The following ALOXE3 variants were observed in gnomAD, a reference collection of about 807,000 sequenced individuals.
The protein encoded by ALOXE3 is hydroperoxide isomerase ALOXE3.
ALOXE3 carries 78 observed loss-of-function variants against 87.5 expected under a neutral mutation model. The ratio of observed to expected loss-of-function variants is 0.89; its 90% CI spans 0.74 to 1.08. The LOEUF (loss-of-function observed/expected upper bound fraction) is 1.08. Ranked by LOEUF, ALOXE3 falls within the 50% of genes least tolerant of loss-of-function variation. The pLI, the probability that ALOXE3 is intolerant of heterozygous loss-of-function variation, is 0.00. For missense variants in ALOXE3, 946 were observed against 912.4 expected, an observed-to-expected ratio of 1.04 and a Z score of -0.47; for synonymous variants, 363 against 370.8, an observed-to-expected ratio of 0.98 and a Z score of 0.24.
intron 14 of ALOXE3, 85 bp from the exon 15 acceptor site, chr17:8,103,578 C>T: frequency 7.0e-7 from 1 of 1,438,282 alleles, no homozygotes; most frequent in Non-Finnish European, 9.6e-7. Context: ...TCCACCTCTG[C>T]CGTCCTAGAG....
At chr17:8,108,373 A>G (rs903391629) in intron 13 of ALOXE3, 95 bp downstream of exon 13, 1 of 1,536,150 alleles carries the variant, frequency 6.5e-7, no homozygotes, top group Admixed American at 1.8e-5. Flanking sequence ...ATCTACTTCA[A>G]AGGCTGGTCA....
chr17:8,117,571 G>A (rs767692022), intron 2 of ALOXE3, among the ~76,000 whole-genome samples: 41 of 152,222 alleles, frequency 2.7e-4, no homozygotes, highest in Non-Finnish European at 4.7e-4. Flanking sequence ...GAGAGGGGAA[G>A]CGACTTGCCC....
intron 4 of ALOXE3, 47 bp from the exon 5 acceptor site, chr17:8,115,104 A>G: frequency 2.5e-6 from 4 of 1,612,314 alleles, no homozygotes; most frequent in Non-Finnish European, 3.4e-6. Flanking sequence ...CTCGGGATAA[A>G]CACAAGTCTT....
At chr17:8,118,457 A>T in intron 1 of ALOXE3, 29 bp downstream of exon 1, 2 of 1,549,716 alleles carry the variant, frequency 1.3e-6, no homozygotes, top group Non-Finnish European at 1.7e-6. Flanking sequence ...GTTCCTCCCC[A>T]TTCCCAGGCA....
chr17:8,096,836 T>G, intron 15 of ALOXE3, 30 bp from the exon 16 acceptor site: 2 of 1,610,470 alleles, frequency 1.2e-6, no homozygotes, highest in Non-Finnish European at 1.7e-6. Flanking sequence ...GAGGTCAGGA[T>G]GACATTCAGA....
chr17:8,096,589 T>A lies in ALOXE3; in HGVS notation c.*38A>T, dbSNP rs1011888411. The A allele has an allele frequency of 2.2e-5, 21 of 970,920 alleles. No individual in the cohort carries two copies. Among genetic ancestry groups the A allele is most frequent in the Admixed American group, 3.4e-5 (2 of 59,204 alleles). The allele number at this position is 970,920 out of a possible 1,614,324, so 60.1% of individuals were successfully genotyped here. A position where few individuals can be genotyped will look rare whatever the true frequency, so the allele number is the denominator to read the frequency against. ...CTGAGGAACTGGTCCTCCTCATGCTTGGACCTTTCTTTCTTCTTGGGTGGT... is the reference window on the plus strand; with the variant it reads ...CTGAGGAACTGGTCCTCCTCATGCTAGGACCTTTCTTTCTTCTTGGGTGGT... On this transcript the variant is annotated 3_prime_UTR_variant, in exon 16 of 16. Transcript: ENST00000448843.
At chr17:8,102,801 G>C (rs775673348) in intron 15 of ALOXE3, among the ~76,000 whole-genome samples, 1 of 152,268 alleles carries the variant, frequency 6.6e-6, no homozygotes, top group African/African-American at 2.4e-5. Flanking sequence ...CCTATCACTG[G>C]ACTGTAAGCT....
At chr17:8,097,492 T>C (rs1237058453) in intron 15 of ALOXE3, among the ~76,000 whole-genome samples, 3 of 151,992 alleles carry the variant, frequency 2.0e-5, no homozygotes, top group Admixed American at 2.0e-4. Flanking sequence ...ACCTTCACAA[T>C]CAACCATCGT....
intron 10 of ALOXE3, 39 bp downstream of exon 10, chr17:8,110,053 G>GGCCCCT (rs2151839166): frequency 6.3e-7 from 1 of 1,584,832 alleles, no homozygotes; most frequent in Non-Finnish European, 8.6e-7. Flanking sequence ...AAGGCCGCCC[G>GGCCCCT]GCCCCTGCCC....
intron 15 of ALOXE3, among the ~76,000 whole-genome samples, chr17:8,097,715 A>G (rs1406447071): frequency 6.7e-6 from 1 of 149,590 alleles, no homozygotes; most frequent in Non-Finnish European, 1.5e-5. Flanking sequence ...ATTTACTAGA[A>G]CCTTCATATA....
intron 15 of ALOXE3, 120 bp downstream of exon 15, chr17:8,103,203 G>A (rs1231992258): frequency 8.5e-7 from 1 of 1,182,376 alleles, no homozygotes; most frequent in Non-Finnish European, 1.2e-6. Context: ...AAGAACCCAA[G>A]GCAGTTCTGC....
At chr17:8,117,776 G>A in intron 2 of ALOXE3, 68 bp downstream of exon 2, 9 of 1,565,418 alleles carry the variant, frequency 5.7e-6, no homozygotes, top group Non-Finnish European at 7.8e-6. Flanking sequence ...GAGTCCAGGA[G>A]GAATACTCCT....
chr17:8,115,777 C>T (rs1449391918), intron 3 of ALOXE3, 89 bp from the exon 4 acceptor site: 6 of 1,294,228 alleles, frequency 4.6e-6, no homozygotes, highest in Non-Finnish European at 6.7e-6. Context: ...ACCCTTGAAC[C>T]CAATCCGACA....
chr17:8,096,864 G>A, intron 15 of ALOXE3, 58 bp from the exon 16 acceptor site: 4 of 1,582,468 alleles, frequency 2.5e-6, no homozygotes, highest in Non-Finnish European at 3.5e-6. Context: ...GGGAATAACG[G>A]AGGACCACAT....
At position 8,096,285 on chromosome 17, in the gene ALOXE3, G is replaced by C; in HGVS notation, c.*342C>G. 1 of 256,470 alleles carries C rather than the reference G, an allele frequency of 3.9e-6. No individual in the cohort carries two copies. The highest frequency in any genetic ancestry group is 9.1e-5 in the East Asian group (1 of 11,002). 15.9% of individuals were successfully genotyped at this position (256,470 alleles called of 1,614,324 possible). ...AGTTTGGGGATTGGGGAGGATGAGG[G>C]AGAAAAGCTCAGAAACCCAAGCTGG... On this transcript the variant is annotated 3_prime_UTR_variant, in exon 16 of 16. Coordinates refer to ENST00000448843, the MANE Select transcript of ALOXE3 (RefSeq NM_021628.3).
chr17:8,104,803 C>T (rs1979170431), intron 13 of ALOXE3, among the ~76,000 whole-genome samples: 1 of 152,116 alleles, frequency 6.6e-6, no homozygotes, highest in African/African-American at 2.4e-5. Flanking sequence ...ATGGATGAGC[C>T]TCCAATGGAA....
intron 6 of ALOXE3, 104 bp downstream of exon 6, chr17:8,114,380 G>T: frequency 1.3e-6 from 2 of 1,517,830 alleles, no homozygotes; most frequent in South Asian, 2.3e-5. Context: ...CTGGGGCAGG[G>T]AGAGGGGATA....
At chr17:8,098,899 G>C (rs1978740154) in intron 15 of ALOXE3, among the ~76,000 whole-genome samples, 1 of 151,976 alleles carries the variant, frequency 6.6e-6, no homozygotes, top group Non-Finnish European at 1.5e-5. Flanking sequence ...CACCCAGGCA[G>C]AAGTGTAGCG....
chr17:8,104,752 G>A (rs71371828), intron 13 of ALOXE3, among the ~76,000 whole-genome samples: 1 of 152,198 alleles, frequency 6.6e-6, no homozygotes, highest in African/African-American at 2.4e-5. Flanking sequence ...GTGGTTAGTG[G>A]AGGCCTCCTG....
Sources: allele counts gnomAD v4.1 joint callset (sites outside exome capture counted in the v4.1 genomes callset), GRCh38; gene constraint gnomAD v4.1.1; transcripts MANE v1.5; gene names NCBI Gene and HGNC (gene_info 2026-07-23, HGNC 2026-07-21).